The following CELF4 variants were observed in gnomAD, a reference collection of about 807,000 sequenced individuals.
CELF4 encodes CUGBP Elav-like family member 4.
In CELF4, 18 loss-of-function variants were observed where a neutral mutation model predicts 59.9. That is an observed-to-expected ratio of 0.30 (90% CI 0.21 to 0.45). The LOEUF is 0.45. CELF4 is among the 20% of genes least tolerant of loss of function. The pLI is 1.00. For synonymous variants in CELF4, 261 were observed against 267.1 expected, an observed-to-expected ratio of 0.98 and a Z score of 0.22; for missense variants, 456 against 689.0, an observed-to-expected ratio of 0.66 and a Z score of 3.79.
At chr18:37,354,287 A>G (rs1296372714) in intron 2 of CELF4, among the ~76,000 whole-genome samples, 1 of 152,146 alleles carries the variant, frequency 6.6e-6, no homozygotes, top group African/African-American at 2.4e-5. Context: ...TTCCAGGGCC[A>G]TGCAGAGTAA....
intron 2 of CELF4, among the ~76,000 whole-genome samples, chr18:37,327,407 G>A (rs1023504159): frequency 3.9e-5 from 6 of 152,090 alleles, no homozygotes; most frequent in African/African-American, 7.2e-5. Flanking sequence ...GCCTATACAC[G>A]TCTCTTCTCC....
intron 1 of CELF4, among the ~76,000 whole-genome samples, chr18:37,503,805 C>T (rs2099934441): frequency 6.6e-6 from 1 of 152,274 alleles, no homozygotes; most frequent in South Asian, 2.1e-4. Flanking sequence ...GTACTGAGAG[C>T]CGCTTGAATG....
chr18:37,480,052 A>G (rs2099862070), intron 2 of CELF4, among the ~76,000 whole-genome samples: 1 of 152,216 alleles, frequency 6.6e-6, no homozygotes, highest in South Asian at 2.1e-4. Context: ...AACTCTGCCA[A>G]CACCTTGATT....
intron 1 of CELF4, among the ~76,000 whole-genome samples, chr18:37,541,200 C>A (rs985219449): frequency 6.6e-6 from 1 of 152,082 alleles, no homozygotes; most frequent in Admixed American, 6.6e-5. Flanking sequence ...ATTCCACCTG[C>A]CTTCCTAATG....
chr18:37,434,350 T>C (rs968031057), intron 2 of CELF4, among the ~76,000 whole-genome samples: 1 of 152,192 alleles, frequency 6.6e-6, no homozygotes, highest in African/African-American at 2.4e-5. Context: ...TTTTGGTCTA[T>C]TAACTGCTGT....
chr18:37,545,868 T>C (rs1404818066), intron 1 of CELF4, among the ~76,000 whole-genome samples: 1 of 152,170 alleles, frequency 6.6e-6, no homozygotes, highest in African/African-American at 2.4e-5. Context: ...AGGGAATCTG[T>C]GGGCAGAATG....
intron 2 of CELF4, among the ~76,000 whole-genome samples, chr18:37,453,569 GA>G (rs1331467792): frequency 1.1e-4 from 17 of 152,188 alleles, no homozygotes; most frequent in Non-Finnish European, 1.2e-4. Flanking sequence ...GCCGACCCTT[GA>G]ACTGGGAAAG....
At chr18:37,367,452 G>T (rs2098799064) in intron 2 of CELF4, among the ~76,000 whole-genome samples, 1 of 151,964 alleles carries the variant, frequency 6.6e-6, no homozygotes, top group Non-Finnish European at 1.5e-5. Flanking sequence ...GCTGGGGCAG[G>T]GGTGGGGATG....
At chr18:37,470,365 G>A (rs928133120) in intron 2 of CELF4, among the ~76,000 whole-genome samples, 6 of 152,178 alleles carry the variant, frequency 3.9e-5, no homozygotes, top group Non-Finnish European at 8.8e-5. Context: ...TAACTTGGAA[G>A]CACTGTTGGG....
chr18:37,432,536 G>A (rs1334058835), intron 2 of CELF4, among the ~76,000 whole-genome samples: 2 of 152,236 alleles, frequency 1.3e-5, no homozygotes, highest in Non-Finnish European at 2.9e-5. Context: ...AATCCTGGGG[G>A]CAGAGAGATT....
chr18:37,285,008 C>T (rs931517253), intron 3 of CELF4, among the ~76,000 whole-genome samples: 2 of 152,204 alleles, frequency 1.3e-5, no homozygotes, highest in African/African-American at 4.8e-5. Context: ...CCTCTCCACC[C>T]CTCCATCTCT....
At chr18:37,306,682 C>G (rs1035994599) in intron 3 of CELF4, among the ~76,000 whole-genome samples, 4 of 152,240 alleles carry the variant, frequency 2.6e-5, no homozygotes, top group East Asian at 3.9e-4. Context: ...CTGACAAGAG[C>G]CCTTCAGTGG....
intron 3 of CELF4, among the ~76,000 whole-genome samples, chr18:37,304,361 G>T (rs2096264401): frequency 6.6e-6 from 1 of 152,188 alleles, no homozygotes; most frequent in Non-Finnish European, 1.5e-5. Flanking sequence ...GGGGTTCCAT[G>T]AGACAGCAGG....
intron 4 of CELF4, 85 bp downstream of exon 4, chr18:37,275,030 G>A: frequency 6.4e-7 from 1 of 1,553,570 alleles, no homozygotes; most frequent in Non-Finnish European, 8.8e-7. Context: ...GACGGCGATG[G>A]CCCCGGAGAC....
At chr18:37,258,764 A>G (rs1278905587) in intron 11 of CELF4, among the ~76,000 whole-genome samples, 1 of 152,120 alleles carries the variant, frequency 6.6e-6, no homozygotes. Flanking sequence ...CACTCTCACC[A>G]TGAGAGGAGA....
intron 2 of CELF4, among the ~76,000 whole-genome samples, chr18:37,344,609 T>C (rs2098180768): frequency 6.6e-6 from 1 of 152,370 alleles, no homozygotes; most frequent in African/African-American, 2.4e-5. Flanking sequence ...TGAAAGCTTG[T>C]TCCCTTGGAG....
chr18:37,447,967 C>T (rs990293729), intron 2 of CELF4, among the ~76,000 whole-genome samples: 4 of 152,196 alleles, frequency 2.6e-5, no homozygotes, highest in Non-Finnish European at 5.9e-5. Flanking sequence ...AGCTCCCTTG[C>T]TTCCATCCTG....
intron 2 of CELF4, among the ~76,000 whole-genome samples, chr18:37,426,963 T>TAAA (rs550664681): frequency 9.8e-6 from 1 of 102,518 alleles, no homozygotes; most frequent in Non-Finnish European, 1.9e-5. Flanking sequence ...TTACAAGGAG[T>TAAA]AAAAAAAAAA....
intron 2 of CELF4, among the ~76,000 whole-genome samples, chr18:37,384,738 C>T (rs1169475304): frequency 6.6e-6 from 1 of 152,190 alleles, no homozygotes; most frequent in African/African-American, 2.4e-5. Context: ...TGGCTACTGT[C>T]ATCCCACTTG....
Sources: gnomAD v4.1 joint callset for allele counts (sites outside exome capture counted in the v4.1 genomes callset) on GRCh38, gnomAD v4.1.1 for gene constraint, MANE v1.5 for transcripts, NCBI Gene and HGNC (gene_info 2026-07-23, HGNC 2026-07-21) for gene names.